The following IQCJ variants were observed in gnomAD, a reference collection of about 807,000 sequenced individuals.
The protein encoded by IQCJ is IQ domain-containing protein J.
IQCJ carries 9 observed loss-of-function variants against 11.0 expected under a neutral mutation model. The observed-to-expected ratio is 0.82, with a 90% CI of 0.49 to 1.43. The LOEUF (loss-of-function observed/expected upper bound fraction) is 1.43, where lower values mean the gene tolerates loss of function less well. Among genes scored for constraint, IQCJ ranks in the 40% most tolerant of loss-of-function variants. IQCJ has a pLI of 0.00. For missense variants in IQCJ, 146 were observed against 133.2 expected, an observed-to-expected ratio of 1.10 and a Z score of -0.47; for synonymous variants, 55 against 51.3, an observed-to-expected ratio of 1.07 and a Z score of -0.31.
chr3:159,119,790 C>A (rs547216394), intron 1 of IQCJ, among the ~76,000 whole-genome samples: 1 of 152,184 alleles, frequency 6.6e-6, no homozygotes, highest in South Asian at 2.1e-4. Context: ...CCCATGTATC[C>A]CCATTCCGTA....
At chr3:159,260,503 ATTT>A (rs1728140232) in intron 3 of IQCJ, among the ~76,000 whole-genome samples, 1 of 152,120 alleles carries the variant, frequency 6.6e-6, no homozygotes, top group South Asian at 2.1e-4. Flanking sequence ...AAGCAGCAGA[ATTT>A]GTTAGCTGGG....
chr3:159,258,984 A>G (rs1728053348), intron 3 of IQCJ, among the ~76,000 whole-genome samples: 1 of 152,062 alleles, frequency 6.6e-6, no homozygotes, highest in Non-Finnish European at 1.5e-5. Context: ...CCTCTCCATC[A>G]ATCTCAATCC....
chr3:159,107,346 C>G lies in IQCJ; in HGVS notation c.9+37905C>G, dbSNP rs1718327737. On this transcript the variant is annotated intron_variant, in intron 1 of 3. Coordinates refer to ENST00000397832, the MANE Select transcript of IQCJ (RefSeq NM_001042706.3). ...ACAGCTAGAAGATACTTTCCAGTAA[C>G]CAGGAGGTTGACCTCACCAGACAGC... Among the ~76,000 whole-genome samples, 4 of 152,170 alleles carry G rather than the reference C, an allele frequency of 2.6e-5. No homozygotes were observed. The South Asian group carries it at 8.3e-4, about 32-fold the overall frequency.
chr3:159,086,214 A>G (rs1716756825), intron 1 of IQCJ, among the ~76,000 whole-genome samples: 1 of 152,156 alleles, frequency 6.6e-6, no homozygotes, highest in Admixed American at 6.5e-5. Flanking sequence ...TTTGTCAAAG[A>G]TCAGATAGTT....
chr3:159,249,373 G>A (rs1433944136), intron 2 of IQCJ, among the ~76,000 whole-genome samples: 1 of 152,086 alleles, frequency 6.6e-6, no homozygotes, highest in African/African-American at 2.4e-5. Context: ...AAAACTTTCT[G>A]GAAATGACCA....
rs1560047383 is a variant in IQCJ at position 159,262,538 on chromosome 3, G to T, written c.156-10G>T. 1.2e-6 allele frequency: 2 copies of T among 1,610,456 alleles called. No individual in the cohort carries two copies. The highest frequency in any genetic ancestry group is 1.7e-5 in the Admixed American group (1 of 59,490). On this transcript the variant is annotated splice_polypyrimidine_tract_variant and intron_variant, in intron 3 of 3. Transcript: ENST00000397832. ...TGTGTGCTGTTTTTTGTTTTGTTTT[G>T]TTTTTTCAGCATTCAGCGAGCATGG...
At chr3:159,217,159 C>T (rs900737993) in intron 1 of IQCJ, among the ~76,000 whole-genome samples, 7 of 152,032 alleles carry the variant, frequency 4.6e-5, no homozygotes, top group East Asian at 1.9e-4. Flanking sequence ...TCCAATCTGT[C>T]GATATTAAGA....
chr3:159,243,678 G>A (rs1296424188), intron 1 of IQCJ, among the ~76,000 whole-genome samples: 2 of 152,208 alleles, frequency 1.3e-5, no homozygotes, highest in South Asian at 2.1e-4. Context: ...TGTTTCGGCT[G>A]TGACTCTACC....
At chr3:159,076,925 G>A (rs1052706223) in intron 1 of IQCJ, among the ~76,000 whole-genome samples, 1 of 152,078 alleles carries the variant, frequency 6.6e-6, no homozygotes, top group African/African-American at 2.4e-5. Flanking sequence ...TTTTAATAGG[G>A]TGGTTGGGAA....
Position 159,090,303 on chromosome 3 carries a change from G to A in IQCJ, c.9+20862G>A, listed in dbSNP as rs994515904. Among the ~76,000 whole-genome samples the A allele has an allele frequency of 1.4e-4, 22 of 151,914 alleles. 1 individual carries two copies. The highest frequency in any genetic ancestry group is 6.2e-4 in the South Asian group (3 of 4,826). ...TGCCCGTTCTCAGATCTCCAGCTGC[G>A]TGCTGGGAGAACCACTGCTCTCTTC... On this transcript the variant is annotated intron_variant, in intron 1 of 3. Coordinates refer to ENST00000397832, the MANE Select transcript of IQCJ (RefSeq NM_001042706.3).
intron 1 of IQCJ, among the ~76,000 whole-genome samples, chr3:159,189,084 G>C (rs541018925): frequency 6.6e-6 from 1 of 152,232 alleles, no homozygotes; most frequent in African/African-American, 2.4e-5. Flanking sequence ...GCCTCTGTAA[G>C]GTTCCACATT....
chr3:159,248,839 C>A (rs1269092507), intron 2 of IQCJ, among the ~76,000 whole-genome samples: 1 of 151,724 alleles, frequency 6.6e-6, no homozygotes, highest in Non-Finnish European at 1.5e-5. Context: ...TTAAACCTGG[C>A]CATGCTGGTT....
At chr3:159,211,061 T>C (rs570648169) in intron 1 of IQCJ, among the ~76,000 whole-genome samples, 3 of 152,214 alleles carry the variant, frequency 2.0e-5, no homozygotes, top group African/African-American at 4.8e-5. Context: ...AGTAAAATAT[T>C]TTACTGAATT....
At chr3:159,207,309 C>A (rs559854547) in intron 1 of IQCJ, among the ~76,000 whole-genome samples, 1 of 152,240 alleles carries the variant, frequency 6.6e-6, no homozygotes, top group East Asian at 1.9e-4. Context: ...TGCTTCAAAA[C>A]CCTAGTGGCC....
chr3:159,109,527 T>A (rs370992641), intron 1 of IQCJ, among the ~76,000 whole-genome samples: 43 of 122,642 alleles, frequency 3.5e-4, no homozygotes, highest in South Asian at 1.5e-3. Context: ...TTGTATTAAC[T>A]AAAAAAAAAA....
At chr3:159,200,187 C>T (rs1175725287) in intron 1 of IQCJ, among the ~76,000 whole-genome samples, 1 of 147,928 alleles carries the variant, frequency 6.8e-6, no homozygotes. Flanking sequence ...CTACTTGCCA[C>T]GTTGAGAGTG....
intron 1 of IQCJ, among the ~76,000 whole-genome samples, chr3:159,118,077 T>C (rs1432666232): frequency 6.6e-6 from 1 of 152,218 alleles, no homozygotes; most frequent in Non-Finnish European, 1.5e-5. Context: ...ACTGCTAAAG[T>C]GTATTAACTT....
chr3:159,142,665 G>A (rs1004931199), intron 1 of IQCJ, among the ~76,000 whole-genome samples: 4 of 152,134 alleles, frequency 2.6e-5, no homozygotes, highest in Non-Finnish European at 5.9e-5. Flanking sequence ...TGATCTACCT[G>A]CCTCAGCCTC....
intron 1 of IQCJ, among the ~76,000 whole-genome samples, chr3:159,107,119 A>C (rs12637131): frequency 6.6e-6 from 1 of 151,958 alleles, no homozygotes; most frequent in Non-Finnish European, 1.5e-5. Flanking sequence ...TATCTGCCCT[A>C]CCTGCTGTGG....
Sources: allele counts gnomAD v4.1 joint callset (sites outside exome capture counted in the v4.1 genomes callset), GRCh38; gene constraint gnomAD v4.1.1; transcripts MANE v1.5; gene names NCBI Gene and HGNC (gene_info 2026-07-23, HGNC 2026-07-21).